SLC13A2: variants seen among roughly 807,000 people sequenced by gnomAD.
The protein encoded by SLC13A2 is Na(+)-coupled citrate transporter.
Under a neutral mutation model 58.5 loss-of-function variants are expected in SLC13A2, and 40 were observed. That is an observed-to-expected ratio of 0.68 (90% confidence interval 0.53 to 0.89). SLC13A2 has a LOEUF of 0.89. Among genes scored for constraint, SLC13A2 ranks in the 40% least tolerant of loss-of-function variants. The pLI is 0.00. For synonymous variants in SLC13A2, 341 were observed against 331.6 expected, an observed-to-expected ratio of 1.03 and a Z score of -0.31; for missense variants, 694 against 772.6, an observed-to-expected ratio of 0.90 and a Z score of 1.21.
At chr17:28,490,360 T>C (rs782588166) in intron 2 of SLC13A2, 94 bp from the exon 3 acceptor site, 1 of 1,613,570 alleles carries the variant, frequency 6.2e-7, no homozygotes, top group South Asian at 1.1e-5. Flanking sequence ...AATGCCAGTC[T>C]GTGGGAATGT....
intron 1 of SLC13A2, among the ~76,000 whole-genome samples, chr17:28,477,199 T>G (rs1284975400): frequency 5.5e-5 from 8 of 144,242 alleles, no homozygotes; most frequent in South Asian, 2.3e-4. Flanking sequence ...TTTTGTTTTT[T>G]TTTTTTTTTT....
In SLC13A2 at chr17:28,497,311, T is replaced by C; in HGVS notation, c.*42T>C. On this transcript the variant is annotated 3_prime_UTR_variant, in exon 12 of 12. Coordinates refer to ENST00000314669, the MANE Select transcript of SLC13A2 (RefSeq NM_003984.4). ...GCCATGCCCAGGAAGACCCACCCCA[T>C]TCCCACTCCTCTGAGCCCGGAGGGG... is the stretch of plus-strand genomic sequence containing the variant. 2 of 1,579,926 alleles carry C rather than the reference T, an allele frequency of 1.3e-6. No homozygotes were observed. Among genetic ancestry groups the C allele is most frequent in the Middle Eastern group, 1.8e-4 (1 of 5,660 alleles).
intron 4 of SLC13A2, among the ~76,000 whole-genome samples, chr17:28,491,107 A>G (rs1467876087): frequency 6.6e-6 from 1 of 152,184 alleles, no homozygotes; most frequent in African/African-American, 2.4e-5. Context: ...TCCCTGGGCA[A>G]ACCAAGATGC....
At chr17:28,477,820 G>A (rs1208170204) in intron 1 of SLC13A2, among the ~76,000 whole-genome samples, 14 of 63,528 alleles carry the variant, frequency 2.2e-4, no homozygotes, top group African/African-American at 4.5e-4. Flanking sequence ...GGAGGCGGGC[G>A]CCCAAGGTGG....
At chr17:28,489,745 T>C (rs1449437548) in intron 2 of SLC13A2, among the ~76,000 whole-genome samples, 1 of 152,098 alleles carries the variant, frequency 6.6e-6, no homozygotes. Context: ...AGATCTGGGG[T>C]AGGGCCTAAG....
intron 6 of SLC13A2, 94 bp from the exon 7 acceptor site, chr17:28,493,477 T>G: frequency 6.7e-6 from 7 of 1,051,120 alleles, no homozygotes; most frequent in Admixed American, 2.8e-5. Flanking sequence ...AGATGCCCTC[T>G]GTGGGCCTCA....
rs1555604235 is a variant in SLC13A2, at chr17:28,494,421, G to A, written c.1217G>A (p.Gly406Asp). 6.2e-7 allele frequency: 1 copy of A among 1,614,162 alleles called. No homozygotes were observed. Among genetic ancestry groups the A allele is most frequent in the South Asian group, 1.1e-5 (1 of 91,082 alleles). Residue 406 changes from glycine (G) to aspartate (D), a missense_variant, in exon 9 of 12, where the codon GGC becomes GAC. Coordinates refer to ENST00000314669, the MANE Select transcript of SLC13A2 (RefSeq NM_003984.4). The surrounding 1 kb of genome is among the most constrained non-coding windows in gnomAD (Gnocchi z 4.0). ...CCAGGGAAGCTGAAGGCCCCTCTTG[G>A]CCTCCTCGACTGGAAGACGGTGAAC... ...ENPGKLKAPLGLLDWKTVNQK... is the reference protein window; with the variant it reads ...ENPGKLKAPLDLLDWKTVNQK...
Position 28,496,315 on chromosome 17 carries a change from A to C in SLC13A2, c.1471-135A>C. 1 of 1,175,458 alleles carries C rather than the reference A, an allele frequency of 8.5e-7. No homozygotes were observed. The highest frequency in any genetic ancestry group is 1.2e-6 in the Non-Finnish European group (1 of 863,760). 72.8% of individuals were successfully genotyped at this position (1,175,458 alleles called of 1,614,324 possible). A position where few individuals can be genotyped will look rare whatever the true frequency, so the allele number is the denominator to read the frequency against. On this transcript the variant is annotated intron_variant, in intron 10 of 11. Coordinates refer to ENST00000314669, the MANE Select transcript of SLC13A2 (RefSeq NM_003984.4). This position sits in a 1 kb window ranked among gnomAD's most constrained non-coding sequence, Gnocchi z 4.2. ...AGGTCACCCAGTGCCTTCTGGGAGA[A>C]GAGGTGGGCTCATGACCAGAGAGTG...
chr17:28,494,619 A>G lies in SLC13A2; in HGVS notation c.1308+107A>G. 1 of 1,510,160 alleles carries G rather than the reference A, an allele frequency of 6.6e-7. No individual in the cohort carries two copies. The highest frequency in any genetic ancestry group is 9.0e-7 in the Non-Finnish European group (1 of 1,115,666). The allele number at this position is 1,510,160 out of a possible 1,614,324, so 93.5% of individuals were successfully genotyped here. The stretch of plus-strand genomic sequence containing the variant: ...CAGAGGGGAGACCTGGTCCCCACGT[A>G]GGAGCCTCTCGGGTAGGCAGAGCCT... On this transcript the variant is annotated intron_variant, in intron 9 of 11. Transcript: ENST00000314669. The surrounding 1 kb of genome is among the most constrained non-coding windows in gnomAD (Gnocchi z 4.0).
At chr17:28,477,509 A>G (rs1259134365) in intron 1 of SLC13A2, among the ~76,000 whole-genome samples, 1 of 151,716 alleles carries the variant, frequency 6.6e-6, no homozygotes, top group Non-Finnish European at 1.5e-5. Context: ...CAACTTTTTG[A>G]ATGAAGAAAG....
chr17:28,483,694 CTTACAG>C (rs1415818723), intron 1 of SLC13A2, among the ~76,000 whole-genome samples: 2 of 152,154 alleles, frequency 1.3e-5, no homozygotes, highest in African/African-American at 4.8e-5. Context: ...TCTCTTCGTC[CTTACAG>C]TAGCCCAGTT....
intron 1 of SLC13A2, among the ~76,000 whole-genome samples, chr17:28,486,996 C>T (rs2068894424): frequency 6.6e-6 from 1 of 152,104 alleles, no homozygotes; most frequent in Admixed American, 6.5e-5. Context: ...CTGGGTTTTG[C>T]CATGTTGCCC....
chr17:28,487,464 A>G (rs2151454070), intron 1 of SLC13A2: 1 of 840,682 alleles, frequency 1.2e-6, no homozygotes, highest in Non-Finnish European at 1.4e-6. Context: ...TGCAACTTGT[A>G]AAAGCATTTG....
At chr17:28,474,152 A>G (rs2068632440) in intron 1 of SLC13A2, among the ~76,000 whole-genome samples, 1 of 152,182 alleles carries the variant, frequency 6.6e-6, no homozygotes, top group Non-Finnish European at 1.5e-5. Flanking sequence ...ACTGGGCTCC[A>G]TGGCGGCTGA....
At chr17:28,489,473 A>G (rs889590377) in intron 2 of SLC13A2, 131 bp downstream of exon 2, 4 of 1,065,628 alleles carry the variant, frequency 3.8e-6, no homozygotes, top group Admixed American at 3.2e-5. Flanking sequence ...CTGACTCTGC[A>G]TGAGGAAGAA....
intron 9 of SLC13A2, among the ~76,000 whole-genome samples, chr17:28,495,278 C>T (rs555241821): frequency 6.0e-4 from 91 of 152,302 alleles, no homozygotes; most frequent in Middle Eastern, 6.8e-3. Flanking sequence ...AGCAAGGTTC[C>T]CTCTGCCCCA....
chr17:28,481,830 G>GTTTT (rs1555601202), intron 1 of SLC13A2, among the ~76,000 whole-genome samples: 2 of 152,128 alleles, frequency 1.3e-5, no homozygotes. Flanking sequence ...ACTCTTTCAT[G>GTTTT]TTTTTGTTTG....
chr17:28,487,022 T>C (rs2068895147), intron 1 of SLC13A2, among the ~76,000 whole-genome samples: 1 of 152,168 alleles, frequency 6.6e-6, no homozygotes, highest in African/African-American at 2.4e-5. Flanking sequence ...GGTCTCAAAC[T>C]CCTTTACTCA....
Position 28,491,829 on chromosome 17 carries a change from G to A in SLC13A2, c.855G>A (p.Leu285=). The change falls in exon 6 of 12, where the codon CTG becomes CTA. Residue 285 remains leucine (L), a synonymous_variant. Coordinates refer to ENST00000314669, the MANE Select transcript of SLC13A2 (RefSeq NM_003984.4). ...VILLLLAWLW[L]QILFLGFNFR... is the part of the protein sequence containing the mutation. ...TGCTGCTGCTGGCCTGGTTGTGGCT[G>A]CAGATCCTCTTCCTGGGCTTCAAGT... 6.2e-7 allele frequency: 1 copy of A among 1,614,150 alleles called. No individual in the cohort carries two copies. Among genetic ancestry groups the A allele is most frequent in the Non-Finnish European group, 8.5e-7 (1 of 1,179,986 alleles).
Sources: allele counts gnomAD v4.1 joint callset (sites outside exome capture counted in the v4.1 genomes callset), GRCh38; gene constraint gnomAD v4.1.1; non-coding constraint Gnocchi (gnomAD v3.1); transcripts MANE v1.5; gene names NCBI Gene and HGNC (gene_info 2026-07-23, HGNC 2026-07-21).